GET1: variants seen among roughly 807,000 people sequenced by gnomAD.
GET1 encodes guided entry of tail-anchored proteins factor 1.
A neutral mutation model predicts 22.6 loss-of-function variants in GET1; 20 were observed. That is an observed-to-expected ratio of 0.89 (90% CI 0.62 to 1.29). The LOEUF is 1.29. Among genes scored for constraint, GET1 ranks in the 50% most tolerant of loss-of-function variants. The probability of loss-of-function intolerance (pLI) is 0.00; values close to 1 mark genes in which losing one functional copy is unlikely to be tolerated. For synonymous variants in GET1, 92 were observed against 83.8 expected (o/e 1.10, Z -0.53); for missense variants, 209 against 219.9 (o/e 0.95, Z 0.31).
At chr21:39,396,260 G>A (rs1429573128) in intron 4 of GET1, among the ~76,000 whole-genome samples, 1 of 152,146 alleles carries the variant, frequency 6.6e-6, no homozygotes, top group Non-Finnish European at 1.5e-5. Flanking sequence ...CCGGGTGTCG[G>A]CCGGGTGCGG....
At chr21:39,398,333 T>A (rs7283896), downstream of GET1, among the ~76,000 whole-genome samples, 1,785 of 152,206 alleles carry the variant, frequency 0.012, 32 homozygotes, top group African/African-American at 0.041. Flanking sequence ...GAAATGATGG[T>A]GGACAGTCAA....
At chr21:39,425,245 G>T (rs1320442274) in intron 1 of GET1, among the ~76,000 whole-genome samples, 1 of 152,176 alleles carries the variant, frequency 6.6e-6, no homozygotes, top group Non-Finnish European at 1.5e-5. Flanking sequence ...TCCAAGTGTG[G>T]ACACATCTGA....
intron 4 of GET1, among the ~76,000 whole-genome samples, 194 bp from the exon 5 acceptor site, chr21:39,396,672 C>T (rs1337489223): frequency 3.9e-5 from 5 of 129,412 alleles, no homozygotes; most frequent in East Asian, 4.5e-4. Flanking sequence ...GGGGACAGAG[C>T]GAGACTCCGT....
intron 4 of GET1, among the ~76,000 whole-genome samples, chr21:39,393,740 C>T (rs997192139): frequency 6.6e-6 from 1 of 152,144 alleles, no homozygotes; most frequent in African/African-American, 2.4e-5. Context: ...ACCTCTGCCT[C>T]CCAGGTTCAA....
At chr21:39,422,210 G>T (rs1238123109) in intron 1 of GET1, 1 of 152,166 alleles carries the variant, frequency 6.6e-6, no homozygotes, top group African/African-American at 2.4e-5. Flanking sequence ...GAAAATACTC[G>T]TGTTTCAGCA....
At chr21:39,387,943 C>A in intron 1 of GET1, 1 of 794,952 alleles carries the variant, frequency 1.3e-6, no homozygotes, top group Non-Finnish European at 1.5e-6. Context: ...CTTTATTAAT[C>A]TATTTTTAAA....
At chr21:39,406,617 AT>A, downstream of GET1, 1 of 1,556,654 alleles carries the variant, frequency 6.4e-7, no homozygotes, top group Non-Finnish European at 8.7e-7. Flanking sequence ...ATAAATCTAT[AT>A]TAGAAAAATA....
chr21:39,395,096 A>G (rs909993595), intron 4 of GET1, among the ~76,000 whole-genome samples: 3 of 152,120 alleles, frequency 2.0e-5, no homozygotes, highest in African/African-American at 7.2e-5. Flanking sequence ...GTTGGTCCCA[A>G]ACTCCTGGCA....
rs190523626 is a variant in GET1, at chr21:39,418,500, A to T, written c.*23+7563A>T. 8.8e-3 allele frequency among the ~76,000 whole-genome samples: 1,342 copies of T among 151,730 alleles called. 14 individuals carry two copies. Among genetic ancestry groups the T allele is most frequent in the Non-Finnish European group, 0.013 (890 of 67,888 alleles). The stretch of plus-strand genomic sequence containing the variant: ...TGTTAAAAATGGTTATTTTTATTTT[A>T]TTTTTTTTAAATTTTTTTGAGATGG... On this transcript the variant is annotated intron_variant, in intron 1 of 1. Transcript: ENST00000478273.
intron 1 of GET1, among the ~76,000 whole-genome samples, chr21:39,425,480 G>A (rs2074507784): frequency 6.6e-6 from 1 of 152,156 alleles, no homozygotes; most frequent in Non-Finnish European, 1.5e-5. Context: ...TTTAGTAGGG[G>A]CTATGGCTGA....
intron 1 of GET1, among the ~76,000 whole-genome samples, chr21:39,383,210 T>TC (rs995669282): frequency 1.3e-4 from 19 of 151,982 alleles, no homozygotes; most frequent in Non-Finnish European, 2.4e-4. Context: ...CGCCTTGGCC[T>TC]CCCAAAGTGC....
At chr21:39,428,287 T>C in exon 2 of GET1, 1 of 1,611,342 alleles carries the variant, frequency 6.2e-7, no homozygotes. Context: ...AGAGAAAGTC[T>C]TCTGAATAAT....
intron 3 of GET1, 114 bp downstream of exon 3, chr21:39,391,950 T>A: frequency 1.0e-6 from 1 of 977,884 alleles, no homozygotes; most frequent in Non-Finnish European, 1.6e-6. Context: ...AGCTGTCGTG[T>A]CGTGTGTCCC....
downstream of GET1, among the ~76,000 whole-genome samples, chr21:39,400,559 G>T (rs1051980646): frequency 9.9e-5 from 15 of 152,120 alleles, no homozygotes; most frequent in African/African-American, 3.6e-4. Context: ...ATTAACAACC[G>T]TCAGGAGAAT....
At chr21:39,406,305 A>T in exon 5 of GET1, 1 of 1,614,142 alleles carries the variant, frequency 6.2e-7, no homozygotes, top group Non-Finnish European at 8.5e-7. Context: ...GCAGGTTTTC[A>T]GTTGCTTCTG....
Position 39,418,418 on chromosome 21 carries a change from G to A in GET1, c.*23+7481G>A, listed in dbSNP as rs191378752. 3.3e-3 allele frequency among the ~76,000 whole-genome samples: 495 copies of A among 152,216 alleles called. 6 individuals carry two copies. The highest frequency in any genetic ancestry group is 0.01 in the Middle Eastern group (3 of 294). ...TTTAAAAATAAATTTGGATCTTACT[G>A]TATATAGAATTTTCTATCTTTTCAT... On this transcript the variant is annotated intron_variant, in intron 1 of 1. Transcript: ENST00000478273.
At chr21:39,386,848 AC>A (rs1483836290) in intron 1 of GET1, among the ~76,000 whole-genome samples, 2 of 97,702 alleles carry the variant, frequency 2.0e-5, no homozygotes, top group African/African-American at 6.5e-5. Flanking sequence ...ATACTTTAAA[AC>A]TTTTTTTTTT....
intron 4 of GET1, among the ~76,000 whole-genome samples, chr21:39,404,312 T>C (rs2038932866): frequency 6.6e-6 from 1 of 152,106 alleles, no homozygotes. Flanking sequence ...AGAACAAGGT[T>C]AACAGAAAAA....
chr21:39,384,747 T>TA (rs916335274), intron 1 of GET1, among the ~76,000 whole-genome samples: 3 of 151,982 alleles, frequency 2.0e-5, no homozygotes, highest in Non-Finnish European at 2.9e-5. Flanking sequence ...CCCTCCAAAA[T>TA]AGAAAAATTT....
Sources: gnomAD v4.1 joint callset for allele counts (sites outside exome capture counted in the v4.1 genomes callset) on GRCh38, gnomAD v4.1.1 for gene constraint, MANE v1.5 for transcripts, NCBI Gene and HGNC (gene_info 2026-07-23, HGNC 2026-07-21) for gene names.